The following ATP2B2 variants were observed in gnomAD, a reference collection of about 807,000 sequenced individuals.
The protein encoded by ATP2B2 is plasma membrane calcium-transporting ATPase 2.
In ATP2B2, 15 loss-of-function variants were observed where a neutral mutation model predicts 120.0. The observed-to-expected ratio is 0.12, with a 90% CI of 0.08 to 0.19. The LOEUF (loss-of-function observed/expected upper bound fraction) is 0.19. Ranked by LOEUF, ATP2B2 falls within the 10% of genes least tolerant of loss-of-function variation. The pLI is 1.00. For synonymous variants in ATP2B2, 694 were observed against 700.3 expected (o/e 0.99, Z 0.14); for missense variants, 1,045 against 1,719.8 (o/e 0.61, Z 6.94).
chr3:10,590,194 T>C (rs76377907), intron 2 of ATP2B2, among the ~76,000 whole-genome samples: 1 of 152,156 alleles, frequency 6.6e-6, no homozygotes, highest in African/African-American at 2.4e-5. Context: ...TGATTTTTGA[T>C]ATGATTCAAT....
intron 2 of ATP2B2, among the ~76,000 whole-genome samples, chr3:10,610,435 C>T (rs897917416): frequency 3.3e-5 from 5 of 152,030 alleles, no homozygotes; most frequent in Non-Finnish European, 2.9e-5. Flanking sequence ...GCCTTCGAGG[C>T]GGCATCACTA....
intron 18 of ATP2B2, 121 bp downstream of exon 18, chr3:10,345,263 G>A (rs950735617): frequency 2.0e-5 from 23 of 1,159,100 alleles, no homozygotes; most frequent in Admixed American, 6.5e-5. Flanking sequence ...GTGCTCCATC[G>A]ATGGGTGCCT....
intron 10 of ATP2B2, among the ~76,000 whole-genome samples, chr3:10,377,068 G>A (rs2061401128): frequency 6.6e-6 from 1 of 152,304 alleles, no homozygotes; most frequent in Admixed American, 6.5e-5. Flanking sequence ...GAACCCAGGA[G>A]TGCTTGACTG....
At chr3:10,587,995 C>T (rs942500609) in intron 2 of ATP2B2, among the ~76,000 whole-genome samples, 1 of 152,168 alleles carries the variant, frequency 6.6e-6, no homozygotes, top group African/African-American at 2.4e-5. Context: ...AAAATAAGAA[C>T]CTTCAGCAAT....
At chr3:10,634,393 C>T (rs377607885) in intron 1 of ATP2B2, among the ~76,000 whole-genome samples, 25 of 152,146 alleles carry the variant, frequency 1.6e-4, no homozygotes, top group African/African-American at 4.3e-4. Flanking sequence ...CACTGGGGGC[C>T]GTGTCCAATT....
intron 1 of ATP2B2, among the ~76,000 whole-genome samples, chr3:10,452,843 A>T (rs991335991): frequency 3.9e-5 from 6 of 152,220 alleles, no homozygotes; most frequent in African/African-American, 1.2e-4. Context: ...CTGGAGCCCC[A>T]GGAGGCCTCA....
At chr3:10,422,255 C>T (rs1274619621) in intron 2 of ATP2B2, among the ~76,000 whole-genome samples, 2 of 152,226 alleles carry the variant, frequency 1.3e-5, no homozygotes, top group Non-Finnish European at 2.9e-5. Flanking sequence ...GTAAGAGCCA[C>T]TTAACAGACT....
In ATP2B2 at chr3:10,401,519, G is replaced by T. The variant is rs369302277; in HGVS notation, c.656-441C>A. ...ATGTGTGCCTTTTAGGGCAGAGTGA[G>T]GAGGGGCACTCCAATCTCTCCCCTA... On this transcript the variant is annotated intron_variant, in intron 4 of 22. Coordinates refer to ENST00000360273, the MANE Select transcript of ATP2B2 (RefSeq NM_001001331.4). Among the ~76,000 whole-genome samples, 12 of 152,284 alleles carry T rather than the reference G, an allele frequency of 7.9e-5. No individual in the cohort carries two copies. The East Asian group carries it at 2.3e-3, about 29-fold the overall frequency.
At chr3:10,387,048 C>A (rs950580619) in intron 6 of ATP2B2, among the ~76,000 whole-genome samples, 1 of 152,198 alleles carries the variant, frequency 6.6e-6, no homozygotes, top group Non-Finnish European at 1.5e-5. Context: ...GCTGCTGCAT[C>A]CTGCCTACCT....
intron 2 of ATP2B2, among the ~76,000 whole-genome samples, chr3:10,585,835 G>GA (rs1383956625): frequency 6.6e-6 from 1 of 152,086 alleles, no homozygotes; most frequent in Non-Finnish European, 1.5e-5. Context: ...GTTTGGTAGT[G>GA]CCCTCAAAAC....
intron 1 of ATP2B2, among the ~76,000 whole-genome samples, chr3:10,467,317 T>G (rs2064789420): frequency 6.6e-6 from 1 of 152,238 alleles, no homozygotes; most frequent in African/African-American, 2.4e-5. Flanking sequence ...GCACAGGCTA[T>G]TCCCTGCCTT....
In ATP2B2 at chr3:10,371,993, T is replaced by C; in HGVS notation, c.1475A>G (p.Asn492Ser). The change falls in exon 12 of 23, where the codon AAT becomes AGT. Residue 492 changes from asparagine (N) to serine (S), a missense_variant. Asn to Ser is a conservative substitution (Grantham distance 46). Around this residue, in one of 11 missense-constraint regions of ATP2B2, gnomAD observed 343 missense variants for 536.8 expected, o/e 0.64. Coordinates refer to ENST00000360273, the MANE Select transcript of ATP2B2 (RefSeq NM_001001331.4). The stretch of plus-strand genomic sequence containing the variant: ...CTTGTCTGAGCAGATGGCTGTGGCA[T>C]TGCCCATGGTCTCACAGGCATCCAG... ...RHLDACETMG[N>S]ATAICSDKTG... is the part of the protein sequence containing the mutation. The C allele has an allele frequency of 6.2e-7, 1 of 1,614,228 alleles. No individual in the cohort carries two copies. The highest frequency in any genetic ancestry group is 8.5e-7 in the Non-Finnish European group (1 of 1,180,048).
At chr3:10,576,792 C>T (rs570271765) in intron 2 of ATP2B2, among the ~76,000 whole-genome samples, 34 of 152,108 alleles carry the variant, frequency 2.2e-4, no homozygotes, top group Admixed American at 5.9e-4. Context: ...GGGCCGGGCG[C>T]GGTGGCTCAC....
At chr3:10,646,829 G>T (rs759119810) in intron 1 of ATP2B2, among the ~76,000 whole-genome samples, 5 of 152,140 alleles carry the variant, frequency 3.3e-5, no homozygotes, top group Non-Finnish European at 5.9e-5. Flanking sequence ...AGATTCAGAG[G>T]ATTCAAAGAC....
chr3:10,648,126 G>T (rs952298904), intron 1 of ATP2B2, among the ~76,000 whole-genome samples: 1 of 152,206 alleles, frequency 6.6e-6, no homozygotes, highest in African/African-American at 2.4e-5. Flanking sequence ...AGATCAGCCT[G>T]AGGGTTGCCG....
chr3:10,394,732 C>T (rs1165786831), intron 5 of ATP2B2, among the ~76,000 whole-genome samples: 1 of 151,490 alleles, frequency 6.6e-6, no homozygotes, highest in African/African-American at 2.4e-5. Context: ...CGATGTCCTG[C>T]ATGACCTCAT....
intron 2 of ATP2B2, among the ~76,000 whole-genome samples, chr3:10,534,441 T>C (rs1480265752): frequency 6.6e-6 from 1 of 152,248 alleles, no homozygotes. Context: ...TTCACTAACA[T>C]GCATCGGGCA....
At chr3:10,510,273 T>G (rs1234640811), upstream of ATP2B2, among the ~76,000 whole-genome samples, 1 of 152,264 alleles carries the variant, frequency 6.6e-6, no homozygotes, top group Non-Finnish European at 1.5e-5. Context: ...CCAGGCATTC[T>G]GTGCACACAC....
At chr3:10,561,560 T>C (rs2067904022) in intron 2 of ATP2B2, among the ~76,000 whole-genome samples, 2 of 152,140 alleles carry the variant, frequency 1.3e-5, no homozygotes, top group South Asian at 4.1e-4. Flanking sequence ...TTTGGTTGTG[T>C]CCCCACCCAA....
Sources: allele counts gnomAD v4.1 joint callset (sites outside exome capture counted in the v4.1 genomes callset), GRCh38; gene constraint gnomAD v4.1.1; regional missense constraint gnomAD v4.1.1; transcripts MANE v1.5; gene names NCBI Gene and HGNC (gene_info 2026-07-23, HGNC 2026-07-21).